Variants in LRSAM1 observed in about 807,000 individuals in gnomAD.
LRSAM1 encodes leucine rich repeat and sterile alpha motif containing 1.
LRSAM1 carries 96 observed loss-of-function variants against 118.1 expected under a neutral mutation model. The observed-to-expected ratio is 0.81, with a 90% CI of 0.69 to 0.96. The LOEUF (loss-of-function observed/expected upper bound fraction) is 0.96, where lower values mean the gene tolerates loss of function less well. LRSAM1 is among the 40% of genes least tolerant of loss of function. The probability of loss-of-function intolerance (pLI) is 0.00; values close to 1 mark genes in which losing one functional copy is unlikely to be tolerated. For missense variants in LRSAM1, 804 were observed against 915.5 expected, an observed-to-expected ratio of 0.88 and a Z score of 1.57; for synonymous variants, 322 against 364.2, an observed-to-expected ratio of 0.88 and a Z score of 1.32.
chr9:127,463,850 C>T (rs377724752), intron 9 of LRSAM1, among the ~76,000 whole-genome samples: 7 of 152,182 alleles, frequency 4.6e-5, no homozygotes, highest in African/African-American at 4.8e-5. Flanking sequence ...GGAATCGCTC[C>T]GTGTATCGTC....
At chr9:127,494,294 C>T (rs1248325517) in intron 21 of LRSAM1, among the ~76,000 whole-genome samples, 3 of 152,240 alleles carry the variant, frequency 2.0e-5, no homozygotes, top group Admixed American at 6.5e-5. Flanking sequence ...GATTGAGAAA[C>T]GCCTGTGTTG....
At chr9:127,487,340 A>G (rs1282582177) in intron 17 of LRSAM1, among the ~76,000 whole-genome samples, 1 of 152,064 alleles carries the variant, frequency 6.6e-6, no homozygotes, top group South Asian at 2.1e-4. Context: ...CTCACCACCC[A>G]TGGGAGTCAG....
At chr9:127,498,392 A>G (rs1836237783) in intron 24 of LRSAM1, among the ~76,000 whole-genome samples, 1 of 152,198 alleles carries the variant, frequency 6.6e-6, no homozygotes, top group South Asian at 2.1e-4. Context: ...AGAGTTTTCC[A>G]TCAGGAGTTG....
Position 127,489,480 on chromosome 9 carries a change from G to T in LRSAM1, c.1384G>T (p.Val462Leu). 1 of 1,610,436 alleles carries T rather than the reference G, an allele frequency of 6.2e-7. No homozygotes were observed. Among genetic ancestry groups the T allele is most frequent in the East Asian group, 2.2e-5 (1 of 44,798 alleles). Residue 462 changes from valine (V) to leucine (L), a missense_variant, in exon 19 of 26, where the codon GTG (valine) becomes TTG (leucine). By Grantham distance (32) the Val-to-Leu change is conservative. Transcript: ENST00000300417. The stretch of plus-strand genomic sequence containing the variant: ...GAAGGCTGCGTTCGAGGCACTCCAG[G>T]TGAAGAAAGACCTGATGCATCGGCA... ...MQKAAFEALQ[V>L]KKDLMHRQIR...
At chr9:127,466,502 ATATTTTTTTTT>A (rs1834945836) in intron 9 of LRSAM1, among the ~76,000 whole-genome samples, 1 of 21,274 alleles carries the variant, frequency 4.7e-5, no homozygotes, top group East Asian at 8.1e-4. Flanking sequence ...ATATATATAT[ATATTTTTTTTT>A]TTTTTTTTTT....
chr9:127,502,831 C>G lies in LRSAM1; in HGVS notation c.2104C>G (p.Pro702Ala). 1 of 1,612,360 alleles carries G rather than the reference C, an allele frequency of 6.2e-7. No homozygotes were observed. The highest frequency in any genetic ancestry group is 8.5e-7 in the Non-Finnish European group (1 of 1,179,694). ...HVCCCQQCCQPLRTCPLCRQD... is the reference protein window; with the variant it reads ...HVCCCQQCCQALRTCPLCRQD... ...CTGCTGCTGCCAGCAGTGCTGCCAGCCACTGCGCACCTGCCCGCTGTGCCG... is the reference window on the plus strand; with the variant it reads ...CTGCTGCTGCCAGCAGTGCTGCCAGGCACTGCGCACCTGCCCGCTGTGCCG... Residue 702 changes from proline (P) to alanine (A), a missense_variant, in exon 26 of 26, where the codon CCA (proline) becomes GCA (alanine). Coordinates refer to ENST00000300417, the MANE Select transcript of LRSAM1 (RefSeq NM_001005373.4).
chr9:127,465,568 G>C lies in LRSAM1; in HGVS notation c.529-2172G>C, dbSNP rs766297623. Among the ~76,000 whole-genome samples, 43 of 152,200 alleles carry C rather than the reference G, an allele frequency of 2.8e-4. No homozygotes were observed. Among genetic ancestry groups the C allele is most frequent in the Non-Finnish European group, 5.7e-4 (39 of 68,034 alleles). ...CTGCTGTTGGGCCCTCAGCATCTGG[G>C]CGGTCAGTTCCTCTTCCCTGGGGCA... On this transcript the variant is annotated intron_variant, in intron 9 of 25. Coordinates refer to ENST00000300417, the MANE Select transcript of LRSAM1 (RefSeq NM_001005373.4). This position sits in a 1 kb window ranked among gnomAD's most constrained non-coding sequence, Gnocchi z 4.1.
chr9:127,496,236 G>A (rs1190264320), intron 23 of LRSAM1, 141 bp downstream of exon 23: 5 of 1,258,576 alleles, frequency 4.0e-6, no homozygotes, highest in Non-Finnish European at 5.4e-6. Flanking sequence ...CTTCCAGATG[G>A]CCAGAACACC....
chr9:127,479,584 G>T (rs538452546), intron 13 of LRSAM1, 79 bp downstream of exon 13: 1 of 1,589,636 alleles, frequency 6.3e-7, no homozygotes, highest in Non-Finnish European at 8.6e-7. Flanking sequence ...AAGGTCCCTC[G>T]GATGTGGAAA....
chr9:127,478,857 C>G, intron 11 of LRSAM1, 77 bp from the exon 12 acceptor site: 2 of 1,465,012 alleles, frequency 1.4e-6, no homozygotes, highest in Admixed American at 3.3e-5. Flanking sequence ...TCAGGCCACC[C>G]GGGGGTTCCT....
Position 127,485,562 on chromosome 9 carries a change from C to T in LRSAM1, c.1160-174C>T, listed in dbSNP as rs190107383. 2.6e-5 allele frequency among the ~76,000 whole-genome samples: 4 copies of T among 152,142 alleles called. No individual in the cohort carries two copies. The East Asian group carries it at 7.8e-4, about 29-fold the overall frequency. On this transcript the variant is annotated intron_variant, in intron 16 of 25. Transcript: ENST00000300417. ...CAGAGTGAGACTGCATCTCAAAAAACAAAACAAAACAAAAAGGAACAAAGG... is the reference window on the plus strand; with the variant it reads ...CAGAGTGAGACTGCATCTCAAAAAATAAAACAAAACAAAAAGGAACAAAGG...
intron 19 of LRSAM1, among the ~76,000 whole-genome samples, chr9:127,490,056 C>T (rs1260918122): frequency 6.7e-6 from 1 of 150,068 alleles, no homozygotes; most frequent in African/African-American, 2.4e-5. Flanking sequence ...GACAAGATAC[C>T]CCCCACCCCC....
chr9:127,475,342 T>G (rs112807459), intron 11 of LRSAM1, among the ~76,000 whole-genome samples: 7,184 of 151,972 alleles, frequency 0.047, 570 homozygotes, highest in African/African-American at 0.16. Flanking sequence ...AATGCAAAAC[T>G]TAGCCAGGCA....
intron 11 of LRSAM1, among the ~76,000 whole-genome samples, chr9:127,478,470 T>C (rs1835417346): frequency 6.6e-6 from 1 of 152,230 alleles, no homozygotes; most frequent in Non-Finnish European, 1.5e-5. Flanking sequence ...GGACAGATGT[T>C]GATAGATGTA....
intron 24 of LRSAM1, among the ~76,000 whole-genome samples, chr9:127,500,129 G>A (rs1402317251): frequency 1.5e-5 from 2 of 137,280 alleles, no homozygotes; most frequent in Non-Finnish European, 3.3e-5. Flanking sequence ...GGGAGGCTGA[G>A]GTGGGCAGAT....
chr9:127,457,420 G>A (rs1376661683), intron 6 of LRSAM1, 27 bp downstream of exon 6: 3 of 1,610,766 alleles, frequency 1.9e-6, no homozygotes, highest in Non-Finnish European at 2.5e-6. Flanking sequence ...CCAGGCAGCT[G>A]GGGCTCTGCA....
chr9:127,478,857 C>A, intron 11 of LRSAM1, 77 bp from the exon 12 acceptor site: 2 of 1,465,012 alleles, frequency 1.4e-6, no homozygotes. Context: ...TCAGGCCACC[C>A]GGGGGTTCCT....
At chr9:127,486,036 G>A in intron 17 of LRSAM1, among the ~76,000 whole-genome samples, 1 of 152,256 alleles carries the variant, frequency 6.6e-6, no homozygotes, top group African/African-American at 2.4e-5. Flanking sequence ...TGTTAAAGTG[G>A]TAACAGTCAT....
At chr9:127,458,272 C>A (rs1314685312) in intron 6 of LRSAM1, among the ~76,000 whole-genome samples, 1 of 152,022 alleles carries the variant, frequency 6.6e-6, no homozygotes, top group Non-Finnish European at 1.5e-5. Context: ...GTCCCAGCTA[C>A]TCGGGAGGCT....
Sources: gnomAD v4.1 joint callset for allele counts (sites outside exome capture counted in the v4.1 genomes callset) on GRCh38, gnomAD v4.1.1 for gene constraint, Gnocchi (gnomAD v3.1) non-coding constraint, MANE v1.5 for transcripts, NCBI Gene and HGNC (gene_info 2026-07-23, HGNC 2026-07-21) for gene names.